Variants in CAB39L observed in about 807,000 individuals in gnomAD.
CAB39L encodes calcium binding protein 39 like.
A neutral mutation model predicts 39.1 loss-of-function variants in CAB39L; 23 were observed. That is an observed-to-expected ratio of 0.59 (90% CI 0.42 to 0.83). The LOEUF (loss-of-function observed/expected upper bound fraction) is 0.83. CAB39L is among the 40% of genes least tolerant of loss of function. The pLI is 0.00. For synonymous variants in CAB39L, 126 were observed against 137.2 expected (o/e 0.92, Z 0.57); for missense variants, 366 against 391.9 (o/e 0.93, Z 0.56).
chr13:49,343,287 T>C (rs774883171), intron 8 of CAB39L, among the ~76,000 whole-genome samples: 16 of 152,198 alleles, frequency 1.1e-4, no homozygotes, highest in Non-Finnish European at 2.2e-4. Flanking sequence ...GAGTGCTTAC[T>C]CTGGTACTGT....
At chr13:49,433,227 TC>T (rs1279574083) in intron 3 of CAB39L, 90 bp downstream of exon 3, 1 of 321,288 alleles carries the variant, frequency 3.1e-6, no homozygotes, top group African/African-American at 2.2e-5. Context: ...TTATATTTAT[TC>T]CTGATACATT....
intron 5 of CAB39L, among the ~76,000 whole-genome samples, chr13:49,362,377 A>G (rs1235930501): frequency 6.6e-6 from 1 of 152,136 alleles, no homozygotes; most frequent in East Asian, 1.9e-4. Context: ...TCAGAATTCT[A>G]TCATAAATTT....
At chr13:49,398,136 C>A (rs138482653) in intron 3 of CAB39L, among the ~76,000 whole-genome samples, 2 of 151,982 alleles carry the variant, frequency 1.3e-5, no homozygotes, top group Non-Finnish European at 2.9e-5. Flanking sequence ...AAAGTTGATT[C>A]GGTTTTTCTG....
chr13:49,440,075 T>G (rs1301518803), intron 1 of CAB39L, among the ~76,000 whole-genome samples: 1 of 152,162 alleles, frequency 6.6e-6, no homozygotes, highest in Non-Finnish European at 1.5e-5. Flanking sequence ...GCAGAAGCTC[T>G]TTAGTTTAAT....
intron 3 of CAB39L, among the ~76,000 whole-genome samples, chr13:49,397,068 A>G (rs1347648709): frequency 6.6e-6 from 1 of 152,224 alleles, no homozygotes; most frequent in Non-Finnish European, 1.5e-5. Context: ...ATCATTATAT[A>G]TGTAATAATA....
intron 3 of CAB39L, among the ~76,000 whole-genome samples, chr13:49,432,901 T>C (rs1337226781): frequency 6.6e-6 from 1 of 152,206 alleles, no homozygotes; most frequent in Non-Finnish European, 1.5e-5. Flanking sequence ...CCCAGGGATC[T>C]TTTTCTCTAG....
At chr13:49,336,380 A>G (rs958931515) in intron 9 of CAB39L, among the ~76,000 whole-genome samples, 18 of 152,172 alleles carry the variant, frequency 1.2e-4, no homozygotes, top group Admixed American at 9.8e-4. Context: ...TCTTGGTTTT[A>G]CCATGCTATA....
At chr13:49,380,163 T>C (rs933390749) in intron 4 of CAB39L, among the ~76,000 whole-genome samples, 6 of 152,164 alleles carry the variant, frequency 3.9e-5, no homozygotes, top group African/African-American at 1.2e-4. Flanking sequence ...ACCACACTCA[T>C]TGTCTAATTT....
At chr13:49,405,439 T>C (rs1365809500) in intron 3 of CAB39L, among the ~76,000 whole-genome samples, 1 of 150,276 alleles carries the variant, frequency 6.7e-6, no homozygotes, top group African/African-American at 2.5e-5. Flanking sequence ...AAGGGAGTTC[T>C]TCAGTCTGAA....
intron 6 of CAB39L, among the ~76,000 whole-genome samples, chr13:49,355,122 T>A (rs1026302950): frequency 3.3e-5 from 5 of 151,252 alleles, no homozygotes; most frequent in Non-Finnish European, 7.4e-5. Flanking sequence ...ATGCATATAA[T>A]CCCAGCACTT....
At chr13:49,360,129 A>T (rs1566089140) in intron 5 of CAB39L, among the ~76,000 whole-genome samples, 2 of 152,180 alleles carry the variant, frequency 1.3e-5, no homozygotes, top group Admixed American at 6.5e-5. Context: ...ACAGAACTGA[A>T]TTCTTTGTTT....
chr13:49,407,035 T>C (rs1468472974), intron 3 of CAB39L, among the ~76,000 whole-genome samples: 1 of 152,174 alleles, frequency 6.6e-6, no homozygotes, highest in Non-Finnish European at 1.5e-5. Flanking sequence ...TTGAAAGAAA[T>C]TTCATAAAAC....
intron 3 of CAB39L, among the ~76,000 whole-genome samples, chr13:49,404,936 A>G (rs946151052): frequency 2.0e-5 from 3 of 152,192 alleles, no homozygotes; most frequent in African/African-American, 7.2e-5. Flanking sequence ...GATCTAGAAA[A>G]TAGCCTCAAA....
chr13:49,438,086 C>T (rs1174838485), intron 1 of CAB39L, among the ~76,000 whole-genome samples: 1 of 152,152 alleles, frequency 6.6e-6, no homozygotes, highest in African/African-American at 2.4e-5. Flanking sequence ...ATCTTCCTGC[C>T]TCAGCCCCGC....
chr13:49,426,105 A>G (rs544351304), intron 3 of CAB39L, among the ~76,000 whole-genome samples: 1 of 152,172 alleles, frequency 6.6e-6, no homozygotes, highest in South Asian at 2.1e-4. Context: ...CACACGCACA[A>G]ATCTTTTTCA....
chr13:49,413,235 C>T (rs756503965), intron 3 of CAB39L, among the ~76,000 whole-genome samples: 17 of 151,834 alleles, frequency 1.1e-4, no homozygotes, highest in Non-Finnish European at 2.2e-4. Context: ...TATATTTTAC[C>T]GTATTTTATC....
At chr13:49,416,874 G>A (rs1233041233) in intron 3 of CAB39L, among the ~76,000 whole-genome samples, 1 of 152,090 alleles carries the variant, frequency 6.6e-6, no homozygotes, top group Non-Finnish European at 1.5e-5. Context: ...CTGAGAATTA[G>A]GTAAGATGTA....
At chr13:49,323,564 G>A (rs1186359439) in intron 10 of CAB39L, among the ~76,000 whole-genome samples, 3 of 152,186 alleles carry the variant, frequency 2.0e-5, no homozygotes, top group Non-Finnish European at 4.4e-5. Context: ...TGTGGACCAG[G>A]ACTTCCCAGG....
At chr13:49,382,645 A>T (rs1956272867) in intron 4 of CAB39L, 155 bp downstream of exon 4, 1 of 575,288 alleles carries the variant, frequency 1.7e-6, no homozygotes, top group Non-Finnish European at 3.1e-6. Flanking sequence ...AATAATAATC[A>T]GTTGCATAAA....
Sources: allele counts gnomAD v4.1 joint callset (sites outside exome capture counted in the v4.1 genomes callset), GRCh38; gene constraint gnomAD v4.1.1; transcripts MANE v1.5; gene names NCBI Gene and HGNC (gene_info 2026-07-23, HGNC 2026-07-21).